Variants in FNDC3B observed in about 807,000 individuals in gnomAD.
The protein encoded by FNDC3B is fibronectin type III domain-containing protein 3B.
In FNDC3B, 12 loss-of-function variants were observed where a neutral mutation model predicts 151.5. The observed-to-expected ratio is 0.08, with a 90% confidence interval of 0.05 to 0.13. The LOEUF (loss-of-function observed/expected upper bound fraction) is 0.13. Among genes scored for constraint, FNDC3B ranks in the 10% least tolerant of loss-of-function variants. The pLI is 1.00. For synonymous variants in FNDC3B, 528 were observed against 549.0 expected (o/e 0.96, Z 0.54); for missense variants, 1,214 against 1,505.3 (o/e 0.81, Z 3.20).
intron 3 of FNDC3B, among the ~76,000 whole-genome samples, chr3:172,177,624 A>ATTTTTTTTTTTTTTTT (rs1211143726): frequency 9.0e-5 from 5 of 55,662 alleles, no homozygotes; most frequent in Non-Finnish European, 1.5e-4. Context: ...TTTTACCACC[A>ATTTTTTTTTTTTTTTT]TCTTTTTTTT....
At chr3:172,351,559 A>G (rs1733853428) in intron 21 of FNDC3B, among the ~76,000 whole-genome samples, 1 of 152,222 alleles carries the variant, frequency 6.6e-6, no homozygotes, top group African/African-American at 2.4e-5. Context: ...AACCCACTGA[A>G]GGAATTTGAA....
intron 3 of FNDC3B, among the ~76,000 whole-genome samples, chr3:172,226,254 G>A (rs1726566924): frequency 6.8e-6 from 1 of 148,118 alleles, no homozygotes; most frequent in Admixed American, 6.8e-5. Context: ...GCAGTGAGCC[G>A]AGATCGCGCC....
intron 6 of FNDC3B, among the ~76,000 whole-genome samples, chr3:172,271,272 C>T (rs1729186308): frequency 6.6e-6 from 1 of 152,182 alleles, no homozygotes; most frequent in Admixed American, 6.5e-5. Context: ...CTCAGATACT[C>T]TTGACTGCAT....
At chr3:172,226,622 A>G (rs372143988) in intron 3 of FNDC3B, among the ~76,000 whole-genome samples, 7 of 152,334 alleles carry the variant, frequency 4.6e-5, no homozygotes, top group African/African-American at 1.4e-4. Context: ...AGGTTTTGGG[A>G]ATCATTAAAT....
chr3:172,171,443 C>G (rs1723277073), intron 3 of FNDC3B, among the ~76,000 whole-genome samples: 1 of 152,056 alleles, frequency 6.6e-6, no homozygotes, highest in Non-Finnish European at 1.5e-5. Flanking sequence ...ATTTTTTTCT[C>G]TATTCTTTTT....
At position 172,292,035 on chromosome 3, in the gene FNDC3B, A is replaced by G. The variant is rs548365982; in HGVS notation, c.850-3328A>G. ...CCTTCAAGTGACATTCTCTTGAAAGACAGCATGTCAGTTTCTGGAATCAGC... is the reference window on the plus strand; with the variant it reads ...CCTTCAAGTGACATTCTCTTGAAAGGCAGCATGTCAGTTTCTGGAATCAGC... On this transcript the variant is annotated intron_variant, in intron 7 of 25. Transcript: ENST00000415807. 3.9e-5 allele frequency among the ~76,000 whole-genome samples: 6 copies of G among 152,196 alleles called. No individual in the cohort carries two copies. In the South Asian group the frequency reaches 1.2e-3, roughly 31 times the overall value.
chr3:172,167,128 G>A (rs1723042947), intron 3 of FNDC3B, among the ~76,000 whole-genome samples: 1 of 152,222 alleles, frequency 6.6e-6, no homozygotes, highest in Non-Finnish European at 1.5e-5. Context: ...GGGTACATTG[G>A]CTCACGCCTA....
intron 16 of FNDC3B, among the ~76,000 whole-genome samples, chr3:172,339,158 A>C (rs1283374539): frequency 6.6e-6 from 1 of 152,172 alleles, no homozygotes; most frequent in East Asian, 1.9e-4. Context: ...CATGAGAACC[A>C]CCTGGAATTT....
chr3:172,047,376 T>G (rs148898543), intron 1 of FNDC3B, among the ~76,000 whole-genome samples: 2,472 of 152,342 alleles, frequency 0.016, 48 homozygotes, highest in Middle Eastern at 0.031. Context: ...TTTGCAATTA[T>G]CTAGGCAAGG....
At chr3:172,237,781 GT>G (rs1727242759) in intron 4 of FNDC3B, among the ~76,000 whole-genome samples, 1 of 152,190 alleles carries the variant, frequency 6.6e-6, no homozygotes, top group South Asian at 2.1e-4. Flanking sequence ...GGCAAGAACT[GT>G]TTGAGACAGA....
At chr3:172,372,316 G>A (rs988086764) in intron 23 of FNDC3B, among the ~76,000 whole-genome samples, 1 of 152,172 alleles carries the variant, frequency 6.6e-6, no homozygotes, top group Admixed American at 6.5e-5. Context: ...TGGAGGTAGA[G>A]TAGAAGACCC....
chr3:172,223,045 A>C (rs1726368570), intron 3 of FNDC3B, among the ~76,000 whole-genome samples: 1 of 152,340 alleles, frequency 6.6e-6, no homozygotes, highest in African/African-American at 2.4e-5. Flanking sequence ...TTCTGGTTCA[A>C]GGTTTAAGTA....
chr3:172,139,202 A>G (rs1444367467), intron 3 of FNDC3B, among the ~76,000 whole-genome samples: 1 of 152,022 alleles, frequency 6.6e-6, no homozygotes, highest in African/African-American at 2.4e-5. Context: ...TGATACTTTA[A>G]GTGCATTTAT....
At chr3:172,277,020 T>G (rs976455531) in intron 6 of FNDC3B, among the ~76,000 whole-genome samples, 1 of 152,208 alleles carries the variant, frequency 6.6e-6, no homozygotes, top group African/African-American at 2.4e-5. Context: ...CTGATTGTAG[T>G]AATGTGTTTT....
chr3:172,343,309 C>T (rs757304253), intron 18 of FNDC3B, among the ~76,000 whole-genome samples, 193 bp downstream of exon 18: 4 of 152,192 alleles, frequency 2.6e-5, no homozygotes, highest in Non-Finnish European at 5.9e-5. Context: ...TCCACACCCG[C>T]AACACTGTCC....
rs183820902 is a variant in FNDC3B, at chr3:172,309,901, A to G, written c.1201-927A>G. Among the ~76,000 whole-genome samples the G allele has an allele frequency of 8.5e-5, 13 of 152,330 alleles. No homozygotes were observed. In the East Asian group the frequency reaches 2.5e-3, roughly 29 times the overall value. On this transcript the variant is annotated intron_variant, in intron 10 of 25. Transcript: ENST00000415807. ...ACCACATGCGACAAACAGCCAAGGT[A>G]GGATTCAGATACATCTCAGGGGAAG...
chr3:172,237,167 C>T (rs893127237), intron 4 of FNDC3B, among the ~76,000 whole-genome samples: 1 of 152,186 alleles, frequency 6.6e-6, no homozygotes, highest in Non-Finnish European at 1.5e-5. Context: ...GATTCATGCC[C>T]AGAAATGCTG....
intron 3 of FNDC3B, among the ~76,000 whole-genome samples, chr3:172,191,155 A>G (rs1022075805): frequency 2.6e-5 from 4 of 152,260 alleles, no homozygotes; most frequent in Non-Finnish European, 5.9e-5. Context: ...AATTTGCCCA[A>G]GGTTGCACAG....
At chr3:172,333,502 T>G (rs1486739313) in intron 14 of FNDC3B, among the ~76,000 whole-genome samples, 2 of 146,266 alleles carry the variant, frequency 1.4e-5, no homozygotes, top group Non-Finnish European at 3.0e-5. Flanking sequence ...TTTTTTTTTT[T>G]TTTTTTTTTT....
Sources: allele counts gnomAD v4.1 joint callset (sites outside exome capture counted in the v4.1 genomes callset), GRCh38; gene constraint gnomAD v4.1.1; transcripts MANE v1.5; gene names NCBI Gene and HGNC (gene_info 2026-07-23, HGNC 2026-07-21).